The following ARMC8 variants were observed in gnomAD, a reference collection of about 807,000 sequenced individuals.
The protein encoded by ARMC8 is armadillo repeat-containing protein 8.
A neutral mutation model predicts 99.3 loss-of-function variants in ARMC8; 20 were observed. The observed-to-expected ratio is 0.20, with a 90% CI of 0.14 to 0.29. The LOEUF is 0.29. ARMC8 is among the 10% of genes least tolerant of loss of function. The probability of loss-of-function intolerance (pLI) is 1.00; values close to 1 mark genes in which losing one functional copy is unlikely to be tolerated. For missense variants in ARMC8, 569 were observed against 809.5 expected, an observed-to-expected ratio of 0.70 and a Z score of 3.60; for synonymous variants, 263 against 278.3, an observed-to-expected ratio of 0.95 and a Z score of 0.55.
Position 138,296,169 on chromosome 3 carries a change from A to C in ARMC8, c.*277A>C. 2.8e-6 allele frequency: 1 copy of C among 357,712 alleles called. No individual in the cohort carries two copies. Among genetic ancestry groups the C allele is most frequent in the Non-Finnish European group, 5.1e-6 (1 of 196,222 alleles). The allele number at this position is 357,712 out of a possible 1,614,324, so 22.2% of individuals were successfully genotyped here. On this transcript the variant is annotated 3_prime_UTR_variant, in exon 22 of 22. Transcript: ENST00000469044. The stretch of plus-strand genomic sequence containing the variant: ...CAATCAATCATTTTCCTTTGGACCT[A>C]CAATTTTTGCCTATGCTGCAGCCAC...
chr3:138,229,133 T>C, intron 6 of ARMC8, 123 bp downstream of exon 6: 1 of 106,402 alleles, frequency 9.4e-6, no homozygotes, highest in East Asian at 2.2e-4. Context: ...TGTGTGTGCG[T>C]GTATATATAT....
chr3:138,290,447 G>C, intron 20 of ARMC8, 99 bp from the exon 21 acceptor site: 1 of 836,174 alleles, frequency 1.2e-6, no homozygotes, highest in Non-Finnish European at 1.9e-6. Context: ...GGAGGAGTAG[G>C]GAGTGAAGGA....
intron 15 of ARMC8, among the ~76,000 whole-genome samples, chr3:138,267,932 A>G (rs541220309): frequency 3.3e-5 from 5 of 152,260 alleles, no homozygotes; most frequent in Non-Finnish European, 5.9e-5. Flanking sequence ...TATAATTAAG[A>G]AAGGTAGTAT....
chr3:138,253,668 T>C (rs1384548057), intron 12 of ARMC8, among the ~76,000 whole-genome samples: 3 of 152,216 alleles, frequency 2.0e-5, no homozygotes, highest in Non-Finnish European at 4.4e-5. Flanking sequence ...TAGCTTTTGG[T>C]ACTAAGTGGG....
rs2049141775 is a variant in ARMC8, at chr3:138,275,009, T to G, written c.1725+465T>G. Among the ~76,000 whole-genome samples, 3 of 152,212 alleles carry G rather than the reference T, an allele frequency of 2.0e-5. No individual in the cohort carries two copies. In the South Asian group the frequency reaches 6.2e-4, roughly 31 times the overall value. On this transcript the variant is annotated intron_variant, in intron 18 of 21. Transcript: ENST00000469044. ...CATCTTATTCCTCATCCCATAACCC[T>G]ACTTCCATTAAGTTTCAGGAGGGCA...
At chr3:138,253,125 C>G (rs1454836763) in intron 12 of ARMC8, among the ~76,000 whole-genome samples, 1 of 152,058 alleles carries the variant, frequency 6.6e-6, no homozygotes, top group Non-Finnish European at 1.5e-5. Flanking sequence ...ATCTAGTTCA[C>G]TTATTAAGCA....
rs1175834278 is a variant in ARMC8, at chr3:138,239,502, A to G, written c.811A>G (p.Thr271Ala). 3.1e-6 allele frequency: 5 copies of G among 1,596,268 alleles called. No homozygotes were observed. The highest frequency in any genetic ancestry group is 4.3e-6 in the Non-Finnish European group (5 of 1,172,144). Residue 271 changes from threonine to alanine, a missense_variant, in exon 10 of 22, where the codon ACA becomes GCA. Transcript: ENST00000469044. ...CATGTGTAGAGCTGGAGCAATTCGG[A>G]CAGATGATAACTGTATTGTATTAAA... ...TYMCRAGAIR[T>A]DDNCIVLKTL...
At chr3:138,196,717 A>T (rs1399323448) in intron 1 of ARMC8, among the ~76,000 whole-genome samples, 1 of 152,094 alleles carries the variant, frequency 6.6e-6, no homozygotes, top group Non-Finnish European at 1.5e-5. Flanking sequence ...ATAAAAAAAA[A>T]TTAGCCAGGT....
At position 138,187,479 on chromosome 3, in the gene ARMC8, C is replaced by T. The variant is rs1034233325; in HGVS notation, c.-76C>T. On this transcript the variant is annotated 5_prime_UTR_variant, in exon 1 of 22. Coordinates refer to ENST00000469044, the MANE Select transcript of ARMC8 (RefSeq NM_001363941.2). ...GCTGCCTTTAGGGAGCGGTGCCTAG[C>T]GTTGGCCAATAGTTGGCTGTCGAAA... 7 of 1,457,344 alleles carry T rather than the reference C, an allele frequency of 4.8e-6. No individual in the cohort carries two copies. The African/African-American group carries it at 9.8e-5, about 20-fold the overall frequency. The allele number at this position is 1,457,344 out of a possible 1,614,324, so 90.3% of individuals were successfully genotyped here. A position where few individuals can be genotyped will look rare whatever the true frequency, so the allele number is the denominator to read the frequency against.
chr3:138,245,030 T>C (rs1055583147), intron 11 of ARMC8, 58 bp from the exon 12 acceptor site: 1 of 1,569,754 alleles, frequency 6.4e-7, no homozygotes, highest in African/African-American at 1.4e-5. Context: ...ACTCAGTTAA[T>C]GTTATTGAAA....
rs1280582987 is a variant in ARMC8, at chr3:138,265,573, A to G, written c.1299+1361A>G. Reference sequence around the variant, plus strand: ...GCGGGGGCATCAATGTGGCAGAAATAGGCAAGAGACCATTCAGGCAGGAAG... The same window carrying G: ...GCGGGGGCATCAATGTGGCAGAAATGGGCAAGAGACCATTCAGGCAGGAAG... On this transcript the variant is annotated intron_variant, in intron 14 of 21. Transcript: ENST00000469044. Among the ~76,000 whole-genome samples, 5 of 152,216 alleles carry G rather than the reference A, an allele frequency of 3.3e-5. No individual in the cohort carries two copies. The East Asian group carries it at 7.7e-4, about 23-fold the overall frequency.
chr3:138,250,981 C>T (rs1362273936), intron 12 of ARMC8, among the ~76,000 whole-genome samples: 2 of 151,804 alleles, frequency 1.3e-5, no homozygotes, highest in East Asian at 3.9e-4. Context: ...AACTCCGTCT[C>T]TACAAAAAAA....
At chr3:138,252,089 A>T (rs761628364) in intron 12 of ARMC8, among the ~76,000 whole-genome samples, 1 of 152,234 alleles carries the variant, frequency 6.6e-6, no homozygotes, top group Non-Finnish European at 1.5e-5. Context: ...GCTCTTTCCT[A>T]TGAATAAAGT....
At chr3:138,205,124 A>G (rs2044297212) in intron 1 of ARMC8, among the ~76,000 whole-genome samples, 1 of 125,790 alleles carries the variant, frequency 7.9e-6, no homozygotes, top group South Asian at 2.4e-4. Context: ...GCTGGAGTGC[A>G]GTGACGTGAT....
At chr3:138,289,232 C>A in intron 20 of ARMC8, 112 bp downstream of exon 20, 1 of 786,256 alleles carries the variant, frequency 1.3e-6, no homozygotes. Context: ...CTTGGACCAT[C>A]TGGCCCAAGC....
At position 138,296,559 on chromosome 3, in the gene ARMC8, A is replaced by G. The variant is rs2051505150; in HGVS notation, c.*667A>G. 1 of 152,200 alleles carries G rather than the reference A, an allele frequency of 6.6e-6. No homozygotes were observed. The highest frequency in any genetic ancestry group is 2.1e-4 in the South Asian group (1 of 4,834). The allele number at this position is 152,200 out of a possible 1,614,324, so 9.4% of individuals were successfully genotyped here. A position where few individuals can be genotyped will look rare whatever the true frequency, so the allele number is the denominator to read the frequency against. On this transcript the variant is annotated 3_prime_UTR_variant, in exon 22 of 22. Coordinates refer to ENST00000469044, the MANE Select transcript of ARMC8 (RefSeq NM_001363941.2). ...CTTTATATAAAAAAAAAGAAAAAAA[A>G]AGAAAAAGTTGGCTATAGTTGGCCT...
At chr3:138,234,772 A>G (rs906490434) in intron 6 of ARMC8, among the ~76,000 whole-genome samples, 1 of 152,214 alleles carries the variant, frequency 6.6e-6, no homozygotes, top group Non-Finnish European at 1.5e-5. Flanking sequence ...ACTTGTGCCA[A>G]CATAGCTTCT....
At chr3:138,222,018 C>G (rs1259001470) in intron 3 of ARMC8, 21 bp downstream of exon 3, 2 of 1,594,928 alleles carry the variant, frequency 1.3e-6, no homozygotes, top group African/African-American at 1.3e-5. Flanking sequence ...TGTCTCACCC[C>G]TTTCTTGCCA....
intron 19 of ARMC8, among the ~76,000 whole-genome samples, chr3:138,285,857 C>G (rs1277651219): frequency 1.3e-5 from 2 of 152,218 alleles, no homozygotes; most frequent in Non-Finnish European, 2.9e-5. Context: ...TACTAATCCA[C>G]ACTGTATCCA....
Sources: allele counts gnomAD v4.1 joint callset (sites outside exome capture counted in the v4.1 genomes callset), GRCh38; gene constraint gnomAD v4.1.1; transcripts MANE v1.5; gene names NCBI Gene and HGNC (gene_info 2026-07-23, HGNC 2026-07-21).